The following SLBP variants were observed in gnomAD, a reference collection of about 807,000 sequenced individuals.
The protein encoded by SLBP is stem-loop histone mRNA binding protein.
In SLBP, 29 loss-of-function variants were observed where a neutral mutation model predicts 39.2. The observed-to-expected ratio is 0.74, with a 90% CI of 0.55 to 1.01. SLBP has a LOEUF of 1.01. Ranked by LOEUF, SLBP falls within the 50% of genes least tolerant of loss-of-function variation. SLBP has a pLI of 0.00. For missense variants in SLBP, 390 were observed against 350.2 expected, an observed-to-expected ratio of 1.11 and a Z score of -0.91; for synonymous variants, 129 against 118.7, an observed-to-expected ratio of 1.09 and a Z score of -0.57.
intron 5 of SLBP, 100 bp from the exon 6 acceptor site, chr4:1,696,451 T>C: frequency 2.7e-6 from 3 of 1,100,088 alleles, no homozygotes; most frequent in Non-Finnish European, 3.8e-6. Flanking sequence ...TTATTTTAAA[T>C]ATTACAGATC....
intron 2 of SLBP, among the ~76,000 whole-genome samples, chr4:1,709,167 G>C (rs191915862): frequency 1.3e-5 from 2 of 152,068 alleles, no homozygotes; most frequent in Admixed American, 6.5e-5. Flanking sequence ...GGGTTCAAGG[G>C]ATTCTCCTGC....
chr4:1,701,899 T>C (rs1377686545), intron 3 of SLBP, among the ~76,000 whole-genome samples: 3 of 151,990 alleles, frequency 2.0e-5, no homozygotes, highest in Admixed American at 2.0e-4. Context: ...AGAGCAAGAC[T>C]CCATCTCAAA....
At chr4:1,700,703 G>GC (rs1716292473) in intron 3 of SLBP, among the ~76,000 whole-genome samples, 1 of 151,960 alleles carries the variant, frequency 6.6e-6, no homozygotes, top group Admixed American at 6.6e-5. Flanking sequence ...AGGACTCCAG[G>GC]CAAGTGCCGC....
At chr4:1,707,776 C>T (rs545804465) in intron 2 of SLBP, among the ~76,000 whole-genome samples, 1 of 152,104 alleles carries the variant, frequency 6.6e-6, no homozygotes, top group East Asian at 1.9e-4. Context: ...GAAACCCTGC[C>T]TCTACTAAAA....
At chr4:1,701,349 G>A (rs1458876490) in intron 3 of SLBP, among the ~76,000 whole-genome samples, 8 of 151,892 alleles carry the variant, frequency 5.3e-5, no homozygotes, top group Admixed American at 5.3e-4. Context: ...GTTTCTCCAT[G>A]TTCGTCAGGC....
intron 3 of SLBP, among the ~76,000 whole-genome samples, chr4:1,702,460 T>C (rs970940240): frequency 6.6e-6 from 1 of 152,190 alleles, no homozygotes; most frequent in East Asian, 1.9e-4. Context: ...AAACAGGTAG[T>C]CTAGGTATCG....
intron 3 of SLBP, 29 bp from the exon 4 acceptor site, chr4:1,700,099 TA>T (rs1262081439): frequency 3.3e-6 from 5 of 1,508,926 alleles, no homozygotes; most frequent in Non-Finnish European, 3.7e-6. Context: ...TTGCTGTTTT[TA>T]AAAAAGATAT....
At chr4:1,696,091 C>A (rs1716093757) in intron 6 of SLBP, 111 bp downstream of exon 6, 7 of 901,358 alleles carry the variant, frequency 7.8e-6, no homozygotes, top group Non-Finnish European at 1.1e-5. Flanking sequence ...CTCTGCTCCC[C>A]AACAGCTGCT....
chr4:1,699,961 C>A, intron 4 of SLBP, 50 bp downstream of exon 4: 5 of 1,306,750 alleles, frequency 3.8e-6, no homozygotes, highest in East Asian at 2.3e-5. Context: ...TTTTTTTTAA[C>A]AAATTACAGG....
intron 3 of SLBP, among the ~76,000 whole-genome samples, chr4:1,702,935 C>A (rs999189200): frequency 6.6e-5 from 10 of 152,092 alleles, no homozygotes; most frequent in African/African-American, 2.4e-4. Flanking sequence ...TCGGTGGTAA[C>A]AAATGACTAT....
chr4:1,694,969 G>A (rs1716054166), intron 6 of SLBP, 129 bp from the exon 7 acceptor site: 6 of 695,248 alleles, frequency 8.6e-6, no homozygotes. Context: ...CTCCCTGAGG[G>A]GTCAGCTTTC....
rs976083794 is a variant in SLBP, at chr4:1,705,857, G to A, written c.177-2157C>T. On this transcript the variant is annotated intron_variant, in intron 2 of 7. Coordinates refer to ENST00000489418, the MANE Select transcript of SLBP (RefSeq NM_006527.4). ...AATAAATACCCAAGCATGGTGGGGC[G>A]TGCCTGTAGTCCCAGCTACACAGGA... Among the ~76,000 whole-genome samples the A allele has an allele frequency of 5.9e-5, 9 of 152,172 alleles. No homozygotes were observed. The East Asian group carries it at 9.6e-4, about 16-fold the overall frequency.
intron 5 of SLBP, among the ~76,000 whole-genome samples, chr4:1,698,275 G>C (rs775473916): frequency 6.6e-6 from 1 of 151,512 alleles, no homozygotes; most frequent in Non-Finnish European, 1.5e-5. Context: ...AACCCGAGAG[G>C]TGGAGTTGAA....
chr4:1,706,038 C>T (rs1305220128), intron 2 of SLBP, among the ~76,000 whole-genome samples: 1 of 152,192 alleles, frequency 6.6e-6, no homozygotes, highest in Non-Finnish European at 1.5e-5. Flanking sequence ...AATCCCAGCA[C>T]TTTGGGGACG....
chr4:1,698,896 G>A (rs1269844209), intron 5 of SLBP, among the ~76,000 whole-genome samples: 2 of 152,034 alleles, frequency 1.3e-5, no homozygotes, highest in African/African-American at 4.8e-5. Flanking sequence ...GGCTGAAGCA[G>A]TTCTCCCACC....
At chr4:1,708,940 T>A (rs74443617) in intron 2 of SLBP, among the ~76,000 whole-genome samples, 2 of 152,214 alleles carry the variant, frequency 1.3e-5, no homozygotes, top group East Asian at 3.8e-4. Context: ...GGATTTAATA[T>A]TTTTATCTTC....
At chr4:1,698,541 G>A (rs1716208238) in intron 5 of SLBP, among the ~76,000 whole-genome samples, 1 of 151,334 alleles carries the variant, frequency 6.6e-6, no homozygotes, top group South Asian at 2.1e-4. Flanking sequence ...CTGGAGTGCA[G>A]TGGTGCAATC....
At chr4:1,696,726 C>T (rs1577177578) in intron 5 of SLBP, among the ~76,000 whole-genome samples, 1 of 151,844 alleles carries the variant, frequency 6.6e-6, no homozygotes, top group Admixed American at 6.6e-5. Flanking sequence ...GGTGAAACCC[C>T]GTCTCTACTA....
chr4:1,696,065 C>T (rs772215120), intron 6 of SLBP, 137 bp downstream of exon 6: 26 of 599,412 alleles, frequency 4.3e-5, no homozygotes, highest in African/African-American at 1.8e-4. Context: ...AACTCAGCAC[C>T]GAGCTGCAGC....
Sources: allele counts gnomAD v4.1 joint callset (sites outside exome capture counted in the v4.1 genomes callset), GRCh38; gene constraint gnomAD v4.1.1; transcripts MANE v1.5; gene names NCBI Gene and HGNC (gene_info 2026-07-23, HGNC 2026-07-21).